Variants in RPRD1A observed in about 807,000 individuals in gnomAD.
The protein encoded by RPRD1A is regulation of nuclear pre-mRNA domain containing 1A, also known as regulation of nuclear pre-mRNA domain-containing protein 1A.
RPRD1A carries 9 observed loss-of-function variants against 37.8 expected under a neutral mutation model. That is an observed-to-expected ratio of 0.24 (90% confidence interval 0.14 to 0.42). The LOEUF (loss-of-function observed/expected upper bound fraction) is 0.42. Ranked by LOEUF, RPRD1A falls within the 10% of genes least tolerant of loss-of-function variation. The pLI, the probability that RPRD1A is intolerant of heterozygous loss-of-function variation, is 1.00. For missense variants in RPRD1A, 255 were observed against 371.0 expected (o/e 0.69, Z 2.57); for synonymous variants, 138 against 139.7 (o/e 0.99, Z 0.08).
At chr18:36,030,059 G>C (rs555013876) in intron 4 of RPRD1A, among the ~76,000 whole-genome samples, 1 of 151,068 alleles carries the variant, frequency 6.6e-6, no homozygotes, top group Non-Finnish European at 1.5e-5. Flanking sequence ...GACCACCTTG[G>C]CCTCCCAAAG....
intron 6 of RPRD1A, among the ~76,000 whole-genome samples, chr18:35,997,011 C>T (rs1161744937): frequency 7.2e-6 from 1 of 139,330 alleles, no homozygotes; most frequent in Non-Finnish European, 1.5e-5. Context: ...AAAGAACTAT[C>T]TGTAATTTAA....
intron 6 of RPRD1A, among the ~76,000 whole-genome samples, chr18:36,003,209 T>G (rs1472907270): frequency 6.6e-6 from 1 of 152,194 alleles, no homozygotes; most frequent in African/African-American, 2.4e-5. Flanking sequence ...GAATCCAGAG[T>G]TGAAGACAGA....
At position 36,008,589 on chromosome 18, in the gene RPRD1A, A is replaced by ATATATATATATATC. The variant is rs71381561; in HGVS notation, c.790-15290_790-15289insGATATATATATATA. ...AGACCTTGTGTGTGTATATATATAT[A>ATATATATATATATC]TCTTTAAAAATCTCTCTAGGAAAAA... On this transcript the variant is annotated intron_variant, in intron 6 of 6. Coordinates refer to ENST00000399022, the MANE Select transcript of RPRD1A (RefSeq NM_018170.5). 1.1e-3 allele frequency among the ~76,000 whole-genome samples: 97 copies of ATATATATATATATC among 90,748 alleles called. 8 individuals carry two copies. Among genetic ancestry groups the ATATATATATATATC allele is most frequent in the South Asian group, 2.1e-3 (5 of 2,380 alleles). The allele number at this position is 90,748 out of a possible 152,430, so 59.5% of individuals were successfully genotyped here.
intron 6 of RPRD1A, among the ~76,000 whole-genome samples, chr18:35,995,721 A>G (rs192588264): frequency 4.0e-4 from 60 of 150,010 alleles, no homozygotes; most frequent in African/African-American, 1.4e-3. Flanking sequence ...GTACAGTATG[A>G]AAAGGAGGGA....
At chr18:36,052,643 G>C (rs1286928752) in intron 1 of RPRD1A, among the ~76,000 whole-genome samples, 4 of 152,118 alleles carry the variant, frequency 2.6e-5, no homozygotes, top group African/African-American at 9.7e-5. Flanking sequence ...CTGTCACCCA[G>C]GGTGGAGTGC....
chr18:36,003,159 C>T (rs1909528102), intron 6 of RPRD1A, among the ~76,000 whole-genome samples: 1 of 152,234 alleles, frequency 6.6e-6, no homozygotes, highest in Admixed American at 6.5e-5. Flanking sequence ...GTCTCTGCCT[C>T]TGGATACACT....
At chr18:36,037,403 TAAGGACG>T in intron 1 of RPRD1A, among the ~76,000 whole-genome samples, 1 of 152,216 alleles carries the variant, frequency 6.6e-6, no homozygotes, top group Non-Finnish European at 1.5e-5. Context: ...ACCATGTGAA[TAAGGACG>T]TGTTTGCTTC....
intron 6 of RPRD1A, among the ~76,000 whole-genome samples, chr18:36,016,180 G>A (rs1008272268): frequency 2.6e-5 from 4 of 152,156 alleles, no homozygotes; most frequent in Non-Finnish European, 1.5e-5. Context: ...TATGTTAAGA[G>A]TTCCCATTTC....
At chr18:35,998,241 C>T (rs1909204230) in intron 6 of RPRD1A, among the ~76,000 whole-genome samples, 1 of 152,060 alleles carries the variant, frequency 6.6e-6, no homozygotes, top group Non-Finnish European at 1.5e-5. Flanking sequence ...ACCTGTAATC[C>T]CAGCTACTTG....
rs1908658643 is a variant in RPRD1A, at chr18:35,990,534, T to A, written c.*2617A>T. 1 of 152,188 alleles carries A rather than the reference T, an allele frequency of 6.6e-6. No homozygotes were observed. The highest frequency in any genetic ancestry group is 2.4e-5 in the African/African-American group (1 of 41,440). The allele number at this position is 152,188 out of a possible 1,614,324, so 9.4% of individuals were successfully genotyped here. A position where few individuals can be genotyped will look rare whatever the true frequency, so the allele number is the denominator to read the frequency against. On this transcript the variant is annotated 3_prime_UTR_variant, in exon 7 of 7. Transcript: ENST00000399022. ...ATGGTCCTTTTACTTACTGTAGTGA[T>A]GGAAGGAGAGAAGGAGCGCCCGAGA...
intron 6 of RPRD1A, among the ~76,000 whole-genome samples, chr18:36,003,019 C>T (rs1909520917): frequency 6.6e-6 from 1 of 152,218 alleles, no homozygotes; most frequent in Non-Finnish European, 1.5e-5. Flanking sequence ...AACCCAAATC[C>T]TCTTTTCTAA....
At chr18:36,027,974 A>G (rs1911496365) in intron 4 of RPRD1A, 1 of 152,138 alleles carries the variant, frequency 6.6e-6, no homozygotes, top group Non-Finnish European at 1.5e-5. Context: ...AAAATATTTT[A>G]CTTCCACTGT....
intron 4 of RPRD1A, among the ~76,000 whole-genome samples, chr18:36,030,028 G>C (rs1011622360): frequency 6.6e-6 from 1 of 151,064 alleles, no homozygotes; most frequent in Non-Finnish European, 1.5e-5. Flanking sequence ...GGATGGTCTC[G>C]ATCTCCTGAC....
intron 4 of RPRD1A, chr18:36,028,045 T>C (rs550250559): frequency 6.6e-6 from 1 of 152,244 alleles, no homozygotes; most frequent in African/African-American, 2.4e-5. Flanking sequence ...TCACAACTCA[T>C]AATGTCTATA....
chr18:36,066,933 A>C (rs117425048), intron 1 of RPRD1A, among the ~76,000 whole-genome samples: 2,384 of 152,244 alleles, frequency 0.016, 29 homozygotes, highest in Non-Finnish European at 0.026. Flanking sequence ...CTTATCCTCC[A>C]TTATCATTCA....
At position 36,067,532 on chromosome 18, in the gene RPRD1A, T is replaced by C. The variant is rs2089058066; in HGVS notation, c.-128A>G. ...CGCTCTCACCACGGCCGCCGCTTCA[T>C]CCAAGACCGGCCGCAAACCAGCAAG... On this transcript the variant is annotated 5_prime_UTR_variant, in exon 1 of 7. It removes an upstream start codon present in the reference 5' UTR. Transcript: ENST00000399022. The C allele has an allele frequency of 9.4e-6, 9 of 960,560 alleles. No homozygotes were observed. The highest frequency in any genetic ancestry group is 5.6e-5 in the South Asian group (3 of 53,614). The allele number at this position is 960,560 out of a possible 1,614,324, so 59.5% of individuals were successfully genotyped here.
At chr18:36,023,047 A>G (rs1016018354) in intron 6 of RPRD1A, among the ~76,000 whole-genome samples, 6 of 152,262 alleles carry the variant, frequency 3.9e-5, no homozygotes, top group African/African-American at 1.2e-4. Flanking sequence ...ACTAGTGTTC[A>G]TGCCTGCTAA....
chr18:36,054,596 G>A (rs1483829201), intron 1 of RPRD1A, among the ~76,000 whole-genome samples: 2 of 152,200 alleles, frequency 1.3e-5, no homozygotes, highest in Non-Finnish European at 2.9e-5. Context: ...ATAGGACAGA[G>A]AGAGAGGGAG....
chr18:36,049,362 T>C (rs1913203523), intron 1 of RPRD1A, among the ~76,000 whole-genome samples: 1 of 152,228 alleles, frequency 6.6e-6, no homozygotes, highest in Non-Finnish European at 1.5e-5. Context: ...TACAGTTGAC[T>C]TCTGAATAAC....
Sources: allele counts gnomAD v4.1 joint callset (sites outside exome capture counted in the v4.1 genomes callset), GRCh38; gene constraint gnomAD v4.1.1; transcripts MANE v1.5; gene names NCBI Gene and HGNC (gene_info 2026-07-23, HGNC 2026-07-21).